The following TMC4 variants were observed in gnomAD, a reference collection of about 807,000 sequenced individuals.
TMC4 encodes voltage-gated chloride channel TMC4.
Under a neutral mutation model 82.0 loss-of-function variants are expected in TMC4, and 70 were observed. That is an observed-to-expected ratio of 0.85 (90% CI 0.70 to 1.04). TMC4 has a LOEUF of 1.04. Among genes scored for constraint, TMC4 ranks in the 50% least tolerant of loss-of-function variants. The pLI is 0.00. For missense variants in TMC4, 879 were observed against 899.0 expected (o/e 0.98, Z 0.28); for synonymous variants, 446 against 406.0 (o/e 1.10, Z -1.18).
intron 8 of TMC4, 41 bp from the exon 9 acceptor site, chr19:54,163,200 C>T: frequency 6.2e-7 from 1 of 1,611,506 alleles, no homozygotes; most frequent in Non-Finnish European, 8.5e-7. Context: ...GACCCGGTAC[C>T]CACCATGTGG....
chr19:54,161,533 G>GT (rs1306354436), intron 11 of TMC4, among the ~76,000 whole-genome samples: 9 of 149,626 alleles, frequency 6.0e-5, no homozygotes, highest in Admixed American at 2.7e-4. Flanking sequence ...TGCTGTTGTT[G>GT]TTGTTTGTTT....
rs2075812114 is a variant in TMC4, at chr19:54,168,990, C to CTA, written c.443-311_443-310insTA. 8.1e-5 allele frequency among the ~76,000 whole-genome samples: 2 copies of CTA among 24,738 alleles called. 1 individual carries two copies. The highest frequency in any genetic ancestry group is 1.5e-3 in the East Asian group (2 of 1,302). The allele number at this position is 24,738 out of a possible 152,430, so 16.2% of individuals were successfully genotyped here. On this transcript the variant is annotated intron_variant, in intron 3 of 14. Transcript: ENST00000619895. ...TTCTTCTTTCTCTCTCTCTCTCTCT[C>CTA]TCTCTATATATATATATATATTTTT...
chr19:54,163,121 A>G lies in TMC4; in HGVS notation c.1316T>C (p.Leu439Pro), dbSNP rs776364024. 1 of 1,613,968 alleles carries G rather than the reference A, an allele frequency of 6.2e-7. No individual in the cohort carries two copies. Among genetic ancestry groups the G allele is most frequent in the Non-Finnish European group, 8.5e-7 (1 of 1,179,982 alleles). ...FLRLASLVVL[L>P]FSLWNQITCG... ...AGTGATCTGATTCCAGAGAGAGAAG[A>G]GCAGGACCACCAGGGAGGCGAGGCG... Residue 439 changes from leucine (L) to proline (P), a missense_variant, in exon 9 of 15, where the codon CTC (leucine) becomes CCC (proline). Physicochemically the swap from Leu to Pro is moderately conservative, Grantham distance 98 (BLOSUM62 -3). Transcript: ENST00000619895.
At position 54,160,860 on chromosome 19, in the gene TMC4, A is replaced by G. The variant is rs757786462; in HGVS notation, c.1973+18T>C. 1.9e-6 allele frequency: 3 copies of G among 1,612,628 alleles called. No individual in the cohort carries two copies. Among genetic ancestry groups the G allele is most frequent in the Non-Finnish European group, 2.5e-6 (3 of 1,179,464 alleles). On this transcript the variant is annotated intron_variant, in intron 13 of 14. Coordinates refer to ENST00000619895, the MANE Select transcript of TMC4 (RefSeq NM_144686.4). Reference sequence around the variant, plus strand: ...CACACGCATTCAAACCCAGACCCAGAAGTCTGGGCCGTCTCACCTGGAGAT... The same window carrying G: ...CACACGCATTCAAACCCAGACCCAGGAGTCTGGGCCGTCTCACCTGGAGAT...
intron 1 of TMC4, among the ~76,000 whole-genome samples, chr19:54,172,303 C>A (rs7245677): frequency 1.6e-3 from 2 of 1,272 alleles, no homozygotes; most frequent in African/African-American, 7.5e-3. Flanking sequence ...ACCCAGGAGT[C>A]CAGGCCCCCG....
At chr19:54,171,073 A>G (rs959078936) in intron 2 of TMC4, among the ~76,000 whole-genome samples, 4,756 of 151,326 alleles carry the variant, frequency 0.031, 233 homozygotes, top group African/African-American at 0.11. Context: ...ATATATATAC[A>G]TATATATGTG....
In TMC4 at chr19:54,165,480, A is replaced by G; in HGVS notation, c.884T>C (p.Phe295Ser). The G allele has an allele frequency of 1.2e-6, 2 of 1,613,120 alleles. No homozygotes were observed. Among genetic ancestry groups the G allele is most frequent in the Non-Finnish European group, 1.7e-6 (2 of 1,179,562 alleles). The change falls in exon 6 of 15, where the codon TTC (phenylalanine) becomes TCC (serine). Residue 295 changes from phenylalanine (F) to serine (S), a missense_variant. Physicochemically the swap from Phe to Ser is radical, Grantham distance 155. Coordinates refer to ENST00000619895, the MANE Select transcript of TMC4 (RefSeq NM_144686.4). ...CACGTGGACGTCCCCGCAGAGACCG[A>G]AGTCCCAGGCCGAGAACACCCGGTG... Reference protein sequence around the residue: ...YSHRVFSAWDFGLCGDVHVRL... With the variant: ...YSHRVFSAWDSGLCGDVHVRL...
intron 6 of TMC4, 50 bp from the exon 7 acceptor site, chr19:54,164,651 C>A (rs773488477): frequency 6.2e-7 from 1 of 1,603,124 alleles, no homozygotes; most frequent in Admixed American, 1.7e-5. Flanking sequence ...AAGGCGCGGG[C>A]CTCCCGGTTC....
At chr19:54,164,792 T>G in intron 6 of TMC4, 191 bp from the exon 7 acceptor site, 1 of 717,118 alleles carries the variant, frequency 1.4e-6, no homozygotes, top group East Asian at 2.8e-5. Flanking sequence ...CCCCGCCCCT[T>G]CGCGGCCGGA....
At position 54,172,954 on chromosome 19, in the gene TMC4, G is replaced by C. The variant is rs1600605955; in HGVS notation, c.79+85C>G. On this transcript the variant is annotated intron_variant, in intron 1 of 14. Coordinates refer to ENST00000619895, the MANE Select transcript of TMC4 (RefSeq NM_144686.4). ...TCTCTTTAGCCCTCAGACTCAGGAGGCCAGGCCTCCCCTTTCCTCCTCCAG... is the reference window on the plus strand; with the variant it reads ...TCTCTTTAGCCCTCAGACTCAGGAGCCCAGGCCTCCCCTTTCCTCCTCCAG... The C allele has an allele frequency of 3.3e-6, 4 of 1,211,318 alleles. No homozygotes were observed. In the East Asian group the frequency reaches 9.6e-5, roughly 29 times the overall value. 75.0% of individuals were successfully genotyped at this position (1,211,318 alleles called of 1,614,324 possible). A position where few individuals can be genotyped will look rare whatever the true frequency, so the allele number is the denominator to read the frequency against.
chr19:54,164,735 T>A, intron 6 of TMC4, 134 bp from the exon 7 acceptor site: 1 of 1,209,266 alleles, frequency 8.3e-7, no homozygotes, highest in Non-Finnish European at 1.2e-6. Flanking sequence ...TAACAACCTC[T>A]GCAGTCCTGG....
In TMC4 at chr19:54,165,432, A is replaced by G. The variant is rs1279961496; in HGVS notation, c.932T>C (p.Leu311Ser). ...VHVRLRQRIILYELKVELEET... is the reference protein window; with the variant it reads ...VHVRLRQRIISYELKVELEET... ...CCCTAATCGCACCTTTAATTCGTAC[A>G]AGATGATGCGCTGGCGCAGCCGCAC... Residue 311 changes from leucine (L) to serine (S), a missense_variant, in exon 6 of 15, where the codon TTG becomes TCG. Physicochemically the swap from Leu to Ser is moderately radical, Grantham distance 145. Transcript: ENST00000619895. 2 of 1,607,660 alleles carry G rather than the reference A, an allele frequency of 1.2e-6. No homozygotes were observed. The highest frequency in any genetic ancestry group is 1.1e-5 in the South Asian group (1 of 90,844).
At chr19:54,160,720 T>C (rs905578690) in intron 13 of TMC4, 158 bp downstream of exon 13, 1 of 1,407,034 alleles carries the variant, frequency 7.1e-7, no homozygotes, top group Non-Finnish European at 9.6e-7. Flanking sequence ...CCCGCCCACC[T>C]CCTCCTTCGG....
rs761572534 is a variant in TMC4, at chr19:54,161,110, C to T, written c.1817+20G>A. The T allele has an allele frequency of 1.3e-6, 2 of 1,589,574 alleles. No homozygotes were observed. Among genetic ancestry groups the T allele is most frequent in the Non-Finnish European group, 1.7e-6 (2 of 1,167,430 alleles). On this transcript the variant is annotated intron_variant, in intron 12 of 14. Transcript: ENST00000619895. ...ATGGGGAGAGAGGGAGGGAGAGAGG[C>T]GGGAGCCTCTCGCACTTACAGGAAG...
chr19:54,172,517 C>G (rs1022681730), intron 1 of TMC4, among the ~76,000 whole-genome samples: 1 of 149,194 alleles, frequency 6.7e-6, no homozygotes, highest in African/African-American at 2.5e-5. Flanking sequence ...TCCCTCAGAC[C>G]CAGGAGTCCA....
At position 54,169,648 on chromosome 19, in the gene TMC4, G is replaced by T. The variant is rs1380521054; in HGVS notation, c.306C>A (p.Ala102=). The change falls in exon 3 of 15, where the codon GCC becomes GCA. Residue 102 remains alanine, a synonymous_variant. Coordinates refer to ENST00000619895, the MANE Select transcript of TMC4 (RefSeq NM_144686.4). The part of the protein sequence containing the change: ...QARRAHRQRN[A]SRDQVVYGSG... ...AGCCATAGACCACCTGGTCCCTGCT[G>T]GCATTTCTTTGCCTGGGAGGGAAAC... 9 of 1,613,420 alleles carry T rather than the reference G, an allele frequency of 5.6e-6. No individual in the cohort carries two copies. The highest frequency in any genetic ancestry group is 7.6e-6 in the Non-Finnish European group (9 of 1,179,880).
chr19:54,168,424 TCC>T, intron 4 of TMC4, 22 bp downstream of exon 4: 1 of 1,525,352 alleles, frequency 6.6e-7, no homozygotes, highest in East Asian at 2.5e-5. Flanking sequence ...GGGCGGGGAA[TCC>T]CCCAGGGACC....
intron 13 of TMC4, 43 bp downstream of exon 13, chr19:54,160,835 C>G: frequency 6.2e-7 from 1 of 1,606,038 alleles, no homozygotes; most frequent in Non-Finnish European, 8.5e-7. Context: ...GCCCCCAGAT[C>G]ACACGCATTC....
intron 1 of TMC4, chr19:54,172,610 C>T: frequency 3.4e-6 from 1 of 289,910 alleles, no homozygotes; most frequent in Non-Finnish European, 6.3e-6. Flanking sequence ...AGGTTCCCAG[C>T]CCCTCCTCCC....
Sources: gnomAD v4.1 joint callset for allele counts (sites outside exome capture counted in the v4.1 genomes callset) on GRCh38, gnomAD v4.1.1 for gene constraint, MANE v1.5 for transcripts, NCBI Gene and HGNC (gene_info 2026-07-23, HGNC 2026-07-21) for gene names.